Variants in ROBO2 observed in about 807,000 individuals in gnomAD.
ROBO2 encodes the protein roundabout guidance receptor 2, also known as roundabout homolog 2.
In ROBO2, 53 loss-of-function variants were observed where a neutral mutation model predicts 160.8. The observed-to-expected ratio is 0.33, with a 90% CI of 0.26 to 0.41. The LOEUF is 0.41. Among genes scored for constraint, ROBO2 ranks in the 10% least tolerant of loss-of-function variants. The pLI is 1.00. For missense variants in ROBO2, 1,577 were observed against 1,722.4 expected, an observed-to-expected ratio of 0.92 and a Z score of 1.49; for synonymous variants, 664 against 611.7, an observed-to-expected ratio of 1.09 and a Z score of -1.26.
intron 2 of ROBO2, among the ~76,000 whole-genome samples, chr3:77,387,241 T>G (rs1021034370): frequency 6.6e-6 from 1 of 150,736 alleles, no homozygotes; most frequent in African/African-American, 2.4e-5. Flanking sequence ...CCGTAGCTCC[T>G]GCTGTAATCC....
intron 2 of ROBO2, among the ~76,000 whole-genome samples, chr3:75,993,011 T>C (rs2065618604): frequency 1.3e-5 from 2 of 152,214 alleles, no homozygotes; most frequent in Admixed American, 1.3e-4. Context: ...GTAACTAGCT[T>C]GATTTTGATT....
intron 2 of ROBO2, among the ~76,000 whole-genome samples, chr3:76,718,776 AAT>A (rs746804177): frequency 6.6e-6 from 1 of 152,240 alleles, no homozygotes. Flanking sequence ...AGGTTGAAAT[AAT>A]GTACCTGCAG....
At chr3:77,199,175 G>A (rs1280776960) in intron 2 of ROBO2, among the ~76,000 whole-genome samples, 1 of 152,204 alleles carries the variant, frequency 6.6e-6, no homozygotes. Flanking sequence ...TCTCATGCAA[G>A]ATTCCTTCCT....
At chr3:76,086,701 A>G (rs2069026477) in intron 2 of ROBO2, among the ~76,000 whole-genome samples, 1 of 152,170 alleles carries the variant, frequency 6.6e-6, no homozygotes, top group South Asian at 2.1e-4. Flanking sequence ...CAATCATCAA[A>G]ATCAGAGTCA....
intron 2 of ROBO2, among the ~76,000 whole-genome samples, chr3:77,271,693 CT>C (rs2059501789): frequency 3.3e-5 from 5 of 152,330 alleles, no homozygotes; most frequent in African/African-American, 1.2e-4. Flanking sequence ...AATTCAAGTA[CT>C]ACTAAGATGT....
chr3:76,364,652 A>G (rs1413564411), intron 2 of ROBO2, among the ~76,000 whole-genome samples: 1 of 152,034 alleles, frequency 6.6e-6, no homozygotes, highest in East Asian at 1.9e-4. Flanking sequence ...TTCCTAGGAA[A>G]TATCTGATTT....
At chr3:76,044,738 T>C (rs746154558) in intron 2 of ROBO2, among the ~76,000 whole-genome samples, 8 of 152,114 alleles carry the variant, frequency 5.3e-5, no homozygotes, top group Non-Finnish European at 1.0e-4. Flanking sequence ...TAAAATACTC[T>C]GGGATAAGTG....
intron 22 of ROBO2, among the ~76,000 whole-genome samples, chr3:77,619,068 A>G (rs2153703944): frequency 6.6e-6 from 1 of 152,274 alleles, no homozygotes; most frequent in African/African-American, 2.4e-5. Flanking sequence ...CCACTCCCAG[A>G]GAAAGATTCT....
intron 2 of ROBO2, among the ~76,000 whole-genome samples, chr3:76,026,109 A>T (rs1215135370): frequency 6.6e-6 from 1 of 151,960 alleles, no homozygotes; most frequent in Non-Finnish European, 1.5e-5. Context: ...CCTTGCCTAC[A>T]GTAGTCAGTG....
chr3:77,518,379 G>A (rs1200966614), intron 5 of ROBO2, among the ~76,000 whole-genome samples: 1 of 151,488 alleles, frequency 6.6e-6, no homozygotes, highest in African/African-American at 2.4e-5. Flanking sequence ...AATACTTGCA[G>A]ACTTTCCTCA....
chr3:76,174,729 T>C (rs1372178260), intron 2 of ROBO2, among the ~76,000 whole-genome samples: 2 of 152,286 alleles, frequency 1.3e-5, no homozygotes, highest in East Asian at 3.9e-4. Context: ...TATATATCTG[T>C]TTTGGTACCA....
In ROBO2 at chr3:76,716,635, A is replaced by G. The variant is rs113999285; in HGVS notation, c.110-381379A>G. ...TAAATTATCTCTTATGTAAACTTCA[A>G]ATAAGCAAATTGGTTGTTTACCTAG... On this transcript the variant is annotated intron_variant, in intron 2 of 26. Transcript: ENST00000487694. 8.3e-3 allele frequency among the ~76,000 whole-genome samples: 1,265 copies of G among 152,330 alleles called. 13 individuals carry two copies. The highest frequency in any genetic ancestry group is 0.029 in the African/African-American group (1,206 of 41,568).
intron 2 of ROBO2, among the ~76,000 whole-genome samples, chr3:77,438,578 G>GTA (rs1291127091): frequency 1.3e-5 from 2 of 151,216 alleles, no homozygotes; most frequent in Non-Finnish European, 3.0e-5. Context: ...GCATATATGT[G>GTA]TATATATATT....
At chr3:77,364,098 T>C (rs1339924377) in intron 2 of ROBO2, among the ~76,000 whole-genome samples, 1 of 152,212 alleles carries the variant, frequency 6.6e-6, no homozygotes, top group Admixed American at 6.5e-5. Context: ...TGACATCTTC[T>C]ATAATGCTTA....
At chr3:76,609,291 T>G (rs1008372435) in intron 2 of ROBO2, among the ~76,000 whole-genome samples, 3 of 152,206 alleles carry the variant, frequency 2.0e-5, no homozygotes, top group Admixed American at 6.5e-5. Context: ...AGTTAGGTAG[T>G]GTGATTACTC....
At chr3:76,344,588 G>C (rs2074414121) in intron 2 of ROBO2, among the ~76,000 whole-genome samples, 1 of 152,094 alleles carries the variant, frequency 6.6e-6, no homozygotes, top group Non-Finnish European at 1.5e-5. Flanking sequence ...TTCAGAAAAG[G>C]CTCTATTACT....
intron 1 of ROBO2, among the ~76,000 whole-genome samples, chr3:77,053,507 G>C (rs557019484): frequency 5.3e-5 from 8 of 152,180 alleles, no homozygotes; most frequent in Non-Finnish European, 8.8e-5. Flanking sequence ...TTGTTAAGAG[G>C]GGGTAATACC....
chr3:76,600,905 A>G (rs1229087870), intron 2 of ROBO2, among the ~76,000 whole-genome samples: 1 of 152,136 alleles, frequency 6.6e-6, no homozygotes, highest in Non-Finnish European at 1.5e-5. Flanking sequence ...CCTCCCACCT[A>G]TGAGCCTGTA....
intron 2 of ROBO2, among the ~76,000 whole-genome samples, chr3:77,332,392 T>C (rs542173599): frequency 6.6e-6 from 1 of 152,284 alleles, no homozygotes; most frequent in African/African-American, 2.4e-5. Flanking sequence ...CTCAGCTCTG[T>C]AGGTACATTT....
Sources: allele counts gnomAD v4.1 joint callset (sites outside exome capture counted in the v4.1 genomes callset), GRCh38; gene constraint gnomAD v4.1.1; transcripts MANE v1.5; gene names NCBI Gene and HGNC (gene_info 2026-07-23, HGNC 2026-07-21).